TNRC6C: variants seen among roughly 807,000 people sequenced by gnomAD.
TNRC6C encodes trinucleotide repeat containing adaptor 6C, also known as trinucleotide repeat-containing gene 6C protein.
In TNRC6C, 20 loss-of-function variants were observed where a neutral mutation model predicts 153.7. That is an observed-to-expected ratio of 0.13 (90% CI 0.09 to 0.19). The LOEUF (loss-of-function observed/expected upper bound fraction) is 0.19. Among genes scored for constraint, TNRC6C ranks in the 10% least tolerant of loss-of-function variants. The pLI, the probability that TNRC6C is intolerant of heterozygous loss-of-function variation, is 1.00. For synonymous variants in TNRC6C, 811 were observed against 841.4 expected (o/e 0.96, Z 0.63); for missense variants, 1,987 against 2,172.0 (o/e 0.91, Z 1.69).
chr17:77,983,813 A>G (rs551559562), intron 1 of TNRC6C, among the ~76,000 whole-genome samples: 1 of 152,222 alleles, frequency 6.6e-6, no homozygotes, highest in East Asian at 1.9e-4. Flanking sequence ...AATTAATTTG[A>G]TCTTTAGAGA....
At chr17:77,999,796 G>T (rs1359276924), upstream of TNRC6C, among the ~76,000 whole-genome samples, 1 of 152,184 alleles carries the variant, frequency 6.6e-6, no homozygotes, top group African/African-American at 2.4e-5. Flanking sequence ...GCCGTTCCTT[G>T]CAGCAGTAGG....
At chr17:78,101,074 C>A (rs566184904) in intron 17 of TNRC6C, among the ~76,000 whole-genome samples, 2 of 152,136 alleles carry the variant, frequency 1.3e-5, no homozygotes, top group Non-Finnish European at 2.9e-5. Context: ...CCGTGCCTGG[C>A]CAATTTTCTG....
chr17:78,017,371 G>A (rs2071747758), intron 1 of TNRC6C, among the ~76,000 whole-genome samples: 1 of 152,160 alleles, frequency 6.6e-6, no homozygotes, highest in African/African-American at 2.4e-5. Flanking sequence ...TGGATCATAG[G>A]GAACTTCTTT....
At chr17:78,086,328 TAAAAAAA>T (rs58348772) in intron 11 of TNRC6C, among the ~76,000 whole-genome samples, 168 bp from the exon 14 acceptor site, 26 of 53,352 alleles carry the variant, frequency 4.9e-4, no homozygotes, top group South Asian at 1.4e-3. Flanking sequence ...AGACTCCATC[TAAAAAAA>T]AAAAAAAAAA....
chr17:77,968,028 T>A (rs932260700), intron 1 of TNRC6C, among the ~76,000 whole-genome samples: 35 of 152,122 alleles, frequency 2.3e-4, no homozygotes, highest in African/African-American at 8.2e-4. Flanking sequence ...TTATTCTTAT[T>A]ATTCTTATTC....
In TNRC6C at chr17:78,064,941, A is replaced by G; in HGVS notation, c.2611+4A>G. 1 of 1,603,984 alleles carries G rather than the reference A, an allele frequency of 6.2e-7. No homozygotes were observed. Among genetic ancestry groups the G allele is most frequent in the Non-Finnish European group, 8.5e-7 (1 of 1,175,520 alleles). ...GCCTCAGCCCTGTGCAAACCAGGTA[A>G]GCCTAGCATCCTGCTTGCCCTGATC... On this transcript the variant is annotated splice_donor_region_variant and intron_variant, in intron 4 of 19. Transcript: ENST00000301624.
Position 78,067,774 on chromosome 17 carries a change from G to A in TNRC6C, c.2629G>A (p.Glu877Lys), listed in dbSNP as rs201856652. 291 of 1,608,584 alleles carry A rather than the reference G, an allele frequency of 1.8e-4. 1 individual carries two copies. Among genetic ancestry groups the A allele is most frequent in the Middle Eastern group, 3.3e-4 (2 of 6,050 alleles). The stretch of plus-strand genomic sequence containing the variant: ...GTTTCTAGCTTCAAAATCTATGCAA[G>A]AAGGCTGGGGCAGTGGTGGGGATGA... The change falls in exon 5 of 20, where the codon GAA becomes AAA. Residue 877 changes from glutamate (E) to lysine (K), a missense_variant. Glu to Lys is a moderately conservative substitution (Grantham distance 56). This residue lies in a region of TNRC6C where 765 missense variants were observed against 908.6 expected (regional missense o/e 0.84). Transcript: ENST00000301624.
chr17:77,998,483 TATTA>T (rs1177370310), intron 1 of TNRC6C, among the ~76,000 whole-genome samples: 2 of 152,218 alleles, frequency 1.3e-5, no homozygotes, highest in Non-Finnish European at 2.9e-5. Context: ...GGTCTTTTAG[TATTA>T]TCCTTCAGGT....
At chr17:78,072,304 C>T (rs1489868453) in intron 6 of TNRC6C, among the ~76,000 whole-genome samples, 2 of 152,218 alleles carry the variant, frequency 1.3e-5, no homozygotes, top group Admixed American at 6.5e-5. Context: ...GTGTTCCAGT[C>T]ATAAATTATC....
intron 1 of TNRC6C, among the ~76,000 whole-genome samples, chr17:77,973,540 C>T (rs1285073541): frequency 3.3e-5 from 5 of 152,148 alleles, no homozygotes; most frequent in South Asian, 2.1e-4. Flanking sequence ...AGAAAGGAAG[C>T]GGTGAAACCG....
exon 9 of TNRC6C, chr17:78,077,251 C>G (rs1424300254): frequency 2.3e-5 from 37 of 1,600,784 alleles, no homozygotes; most frequent in Non-Finnish European, 3.2e-5. Context: ...GAAGCTCCCC[C>G]TTTCACACAG....
chr17:78,010,844 G>C (rs867724627), intron 1 of TNRC6C, among the ~76,000 whole-genome samples: 1 of 152,092 alleles, frequency 6.6e-6, no homozygotes, highest in African/African-American at 2.4e-5. Context: ...AAAATATATA[G>C]GTTATTCAAA....
chr17:78,008,587 C>CT (rs1358705290), intron 1 of TNRC6C: 4 of 152,186 alleles, frequency 2.6e-5, no homozygotes, highest in Non-Finnish European at 5.9e-5. Flanking sequence ...CTCTATGCCT[C>CT]TAAGTCTGCA....
intron 3 of TNRC6C, among the ~76,000 whole-genome samples, chr17:78,064,391 A>G (rs776518612): frequency 3.3e-5 from 5 of 152,196 alleles, no homozygotes; most frequent in Non-Finnish European, 7.3e-5. Flanking sequence ...GCATCTGACC[A>G]GTTTTAAGAA....
At chr17:78,093,563 G>A (rs1189804791) in intron 15 of TNRC6C, 57 bp from the exon 18 acceptor site, 27 of 1,588,130 alleles carry the variant, frequency 1.7e-5, no homozygotes, top group African/African-American at 6.8e-5. Flanking sequence ...TTAAAATTTC[G>A]TGAATCAATG....
intron 4 of TNRC6C, among the ~76,000 whole-genome samples, chr17:78,065,479 C>T (rs1321975365): frequency 1.3e-5 from 2 of 152,120 alleles, no homozygotes; most frequent in East Asian, 3.8e-4. Context: ...AAAGTCAAAG[C>T]AACCCCGCAT....
intron 1 of TNRC6C, among the ~76,000 whole-genome samples, chr17:77,988,199 C>A (rs1240289685): frequency 1.3e-5 from 2 of 152,028 alleles, no homozygotes; most frequent in Non-Finnish European, 2.9e-5. Flanking sequence ...AAATATGAGA[C>A]CTTGTCTCTA....
intron 10 of TNRC6C, among the ~76,000 whole-genome samples, chr17:78,082,199 G>A (rs1350738501): frequency 6.7e-6 from 1 of 150,068 alleles, no homozygotes; most frequent in African/African-American, 2.5e-5. Context: ...GGGGGTCACC[G>A]CCTTCTGATC....
At chr17:78,028,500 G>A (rs1396523774) in intron 1 of TNRC6C, among the ~76,000 whole-genome samples, 2 of 152,164 alleles carry the variant, frequency 1.3e-5, no homozygotes, top group African/African-American at 2.4e-5. Flanking sequence ...AGAGTAGACA[G>A]TGGGTTCATC....
Sources: allele counts gnomAD v4.1 joint callset (sites outside exome capture counted in the v4.1 genomes callset), GRCh38; gene constraint gnomAD v4.1.1; regional missense constraint gnomAD v4.1.1; transcripts MANE v1.5; gene names NCBI Gene and HGNC (gene_info 2026-07-23, HGNC 2026-07-21).